Variants in SLCO2B1 observed in about 807,000 individuals in gnomAD.
The protein encoded by SLCO2B1 is solute carrier organic anion transporter family member 2B1.
In SLCO2B1, 41 loss-of-function variants were observed where a neutral mutation model predicts 67.3. That is an observed-to-expected ratio of 0.61 (90% CI 0.47 to 0.79). The LOEUF is 0.79. SLCO2B1 is among the 30% of genes least tolerant of loss of function. SLCO2B1 has a pLI of 0.00. For missense variants in SLCO2B1, 837 were observed against 920.1 expected (o/e 0.91, Z 1.17); for synonymous variants, 379 against 381.4 (o/e 0.99, Z 0.07).
chr11:75,169,219 C>T lies in SLCO2B1; in HGVS notation c.495C>T (p.Thr165=), dbSNP rs1324311177. The T allele has an allele frequency of 6.2e-7, 1 of 1,614,154 alleles. No homozygotes were observed. Among genetic ancestry groups the T allele is most frequent in the Admixed American group, 1.7e-5 (1 of 60,016 alleles). ...AGGCTTCCCTGTGCCTGCCCACAAC[C>T]TCGGCCCCAGCCTCGGCCCCCTCCA... The part of the protein sequence containing the change: ...DFKASLCLPT[T]SAPASAPSNG... Residue 165 remains threonine (T), a synonymous_variant, in exon 5 of 14, where the codon ACC becomes ACT. Transcript: ENST00000289575.
intron 1 of SLCO2B1, among the ~76,000 whole-genome samples, chr11:75,153,188 C>T (rs1297076025): frequency 1.3e-5 from 2 of 152,236 alleles, no homozygotes; most frequent in Non-Finnish European, 2.9e-5. Flanking sequence ...ATGCCAACTC[C>T]TCCAGGAAGC....
intron 1 of SLCO2B1, among the ~76,000 whole-genome samples, chr11:75,153,662 C>G (rs187203928): frequency 6.6e-6 from 1 of 152,208 alleles, no homozygotes; most frequent in Non-Finnish European, 1.5e-5. Context: ...AGTGACTACA[C>G]CTGCATGTCT....
intron 3 of SLCO2B1, among the ~76,000 whole-genome samples, chr11:75,164,500 C>A (rs538725914): frequency 6.6e-6 from 1 of 152,046 alleles, no homozygotes; most frequent in Non-Finnish European, 1.5e-5. Context: ...TTGGGATGGT[C>A]GCGGGAGGGA....
chr11:75,203,615 G>A (rs1048416790), intron 13 of SLCO2B1, 188 bp downstream of exon 13: 5 of 682,374 alleles, frequency 7.3e-6, no homozygotes, highest in Non-Finnish European at 1.2e-5. Flanking sequence ...TATAGATGAG[G>A]AAAGTGACAG....
chr11:75,188,001 G>T (rs940606729), intron 7 of SLCO2B1, 135 bp from the exon 8 acceptor site: 3 of 598,642 alleles, frequency 5.0e-6, no homozygotes, highest in African/African-American at 1.9e-5. Context: ...AACACTGCAG[G>T]CCTCAATTGC....
chr11:75,197,677 G>A (rs1405736492), intron 10 of SLCO2B1, among the ~76,000 whole-genome samples: 2 of 152,188 alleles, frequency 1.3e-5, no homozygotes, highest in East Asian at 3.9e-4. Context: ...GGTGAGCAGA[G>A]TACAGGATAG....
At chr11:75,157,823 T>C (rs1949765358) in intron 1 of SLCO2B1, among the ~76,000 whole-genome samples, 1 of 152,172 alleles carries the variant, frequency 6.6e-6, no homozygotes, top group Non-Finnish European at 1.5e-5. Flanking sequence ...TTACTTATTA[T>C]TATTTTTACA....
chr11:75,170,348 G>C (rs779085530), intron 6 of SLCO2B1, among the ~76,000 whole-genome samples: 9 of 152,242 alleles, frequency 5.9e-5, no homozygotes, highest in Admixed American at 1.3e-4. Context: ...TTGGGAAAGA[G>C]TAGTTTCTGG....
At position 75,187,291 on chromosome 11, in the gene SLCO2B1, C is replaced by T. The variant is rs529731708; in HGVS notation, c.973-845C>T. Among the ~76,000 whole-genome samples, 7 of 152,344 alleles carry T rather than the reference C, an allele frequency of 4.6e-5. No individual in the cohort carries two copies. In the East Asian group the frequency reaches 9.6e-4, roughly 21 times the overall value. ...TGATTGTGCCCCCTCCCTCCACACA[C>T]ATGATATTCTCTTCCCCTCTTTTTC... On this transcript the variant is annotated intron_variant, in intron 7 of 13. Coordinates refer to ENST00000289575, the MANE Select transcript of SLCO2B1 (RefSeq NM_007256.5).
At position 75,164,071 on chromosome 11, in the gene SLCO2B1, A is replaced by T; in HGVS notation, c.256A>T (p.Thr86Ser). Residue 86 changes from threonine (T) to serine (S), a missense_variant, in exon 3 of 14, where the codon ACG (threonine) becomes TCG (serine). Coordinates refer to ENST00000289575, the MANE Select transcript of SLCO2B1 (RefSeq NM_007256.5). Reference sequence around the variant, plus strand: ...GAAGCGCTTCGGCCTCTCCAGCCAGACGTCGGGGCTGCTGGCCTCCTTCAA... The same window carrying T: ...GAAGCGCTTCGGCCTCTCCAGCCAGTCGTCGGGGCTGCTGGCCTCCTTCAA... ...VEKRFGLSSQ[T>S]SGLLASFNEV... 6.2e-7 allele frequency: 1 copy of T among 1,608,790 alleles called. No homozygotes were observed. The highest frequency in any genetic ancestry group is 8.5e-7 in the Non-Finnish European group (1 of 1,177,836).
Position 75,162,792 on chromosome 11 carries a change from C to T in SLCO2B1, c.147+7C>T. On this transcript the variant is annotated splice_region_variant and intron_variant, in intron 2 of 13. Transcript: ENST00000289575. ...TGTGTTCCATAACATCAAGGTACCT[C>T]TCAGGGCCTGGCAGGGGCCTCCGAG... 6.2e-7 allele frequency: 1 copy of T among 1,612,044 alleles called. No homozygotes were observed. The highest frequency in any genetic ancestry group is 1.1e-5 in the South Asian group (1 of 90,692).
In SLCO2B1 at chr11:75,153,755, A is replaced by T. The variant is rs576648926; in HGVS notation, c.16+2358A>T. Among the ~76,000 whole-genome samples, 65 of 152,256 alleles carry T rather than the reference A, an allele frequency of 4.3e-4. No individual in the cohort carries two copies. The South Asian group carries it at 8.5e-3, about 20-fold the overall frequency. ...TTGGGAAGTTAAGCCAAAGAAGTTG[A>T]TGGGGCCCAGTCACAAGGAACTTGT... On this transcript the variant is annotated intron_variant, in intron 1 of 13. Coordinates refer to ENST00000289575, the MANE Select transcript of SLCO2B1 (RefSeq NM_007256.5).
chr11:75,165,837 G>T lies in SLCO2B1; in HGVS notation c.336G>T (p.Val112=), dbSNP rs1272189683. 5 of 1,614,194 alleles carry T rather than the reference G, an allele frequency of 3.1e-6. No individual in the cohort carries two copies. The highest frequency in any genetic ancestry group is 4.2e-6 in the Non-Finnish European group (5 of 1,180,020). Residue 112 remains valine, a synonymous_variant, in exon 4 of 14, where the codon GTG becomes GTT. Transcript: ENST00000289575. ...IVFVSYFGSR[V]HRPRMIGYGA... is the part of the protein sequence containing the mutation. ...TTGTGAGCTATTTTGGCAGCCGGGTGCACCGACCCCGAATGATTGGCTATG... is the reference window on the plus strand; with the variant it reads ...TTGTGAGCTATTTTGGCAGCCGGGTTCACCGACCCCGAATGATTGGCTATG...
intron 13 of SLCO2B1, chr11:75,204,123 C>T (rs893986000): frequency 1.0e-5 from 3 of 298,620 alleles, no homozygotes; most frequent in Admixed American, 5.0e-5. Context: ...TAAAATTGCA[C>T]TTGTCAGGCC....
Position 75,193,222 on chromosome 11 carries a change from C to T in SLCO2B1, c.1080C>T (p.Phe360=), listed in dbSNP as rs140306596. 22 of 1,607,934 alleles carry T rather than the reference C, an allele frequency of 1.4e-5. No individual in the cohort carries two copies. The African/African-American group carries it at 2.1e-4, about 16-fold the overall frequency. Residue 360 remains phenylalanine (F), a synonymous_variant, in exon 9 of 14, where the codon TTC becomes TTT. Coordinates refer to ENST00000289575, the MANE Select transcript of SLCO2B1 (RefSeq NM_007256.5). The surrounding 1 kb of genome is among the most constrained non-coding windows in gnomAD (Gnocchi z 4.2). The part of the protein sequence containing the change: ...NLTVIQFIKV[F]PRVLLQTLRH... The stretch of plus-strand genomic sequence containing the variant: ...CCTCTGCACTCGCCCCCACAGTCTT[C>T]CCCAGGGTGCTGCTGCAGACCCTAC...
chr11:75,192,601 G>T (rs1247411510), intron 8 of SLCO2B1, among the ~76,000 whole-genome samples: 1 of 152,152 alleles, frequency 6.6e-6, no homozygotes, highest in Non-Finnish European at 1.5e-5. Context: ...AAAATGAAAT[G>T]ACATGGGATG....
At chr11:75,173,513 C>G (rs891035668) in intron 7 of SLCO2B1, among the ~76,000 whole-genome samples, 5 of 152,196 alleles carry the variant, frequency 3.3e-5, no homozygotes, top group African/African-American at 1.2e-4. Context: ...CACAGACTCA[C>G]GGAGAAGTCA....
At chr11:75,182,302 G>T (rs1293670901) in intron 7 of SLCO2B1, among the ~76,000 whole-genome samples, 1 of 152,194 alleles carries the variant, frequency 6.6e-6, no homozygotes, top group East Asian at 1.9e-4. Flanking sequence ...GAGAACCTGG[G>T]TTTGGTTTGA....
At chr11:75,177,723 G>T (rs973100240) in intron 7 of SLCO2B1, among the ~76,000 whole-genome samples, 1 of 152,132 alleles carries the variant, frequency 6.6e-6, no homozygotes, top group Non-Finnish European at 1.5e-5. Flanking sequence ...TGTTTCATGG[G>T]ATGAGCCAGA....
Sources: allele counts gnomAD v4.1 joint callset (sites outside exome capture counted in the v4.1 genomes callset), GRCh38; gene constraint gnomAD v4.1.1; non-coding constraint Gnocchi (gnomAD v3.1); transcripts MANE v1.5; gene names NCBI Gene and HGNC (gene_info 2026-07-23, HGNC 2026-07-21).